The following FUT9 variants were observed in gnomAD, a reference collection of about 807,000 sequenced individuals.
FUT9 encodes the protein 4-galactosyl-N-acetylglucosaminide 3-alpha-L-fucosyltransferase 9.
In FUT9, 15 loss-of-function variants were observed where a neutral mutation model predicts 29.7. The observed-to-expected ratio is 0.51, with a 90% CI of 0.34 to 0.78. The LOEUF (loss-of-function observed/expected upper bound fraction) is 0.78, where lower values mean the gene tolerates loss of function less well. FUT9 is among the 30% of genes least tolerant of loss of function. The pLI, the probability that FUT9 is intolerant of heterozygous loss-of-function variation, is 0.01. For missense variants in FUT9, 319 were observed against 425.4 expected, an observed-to-expected ratio of 0.75 and a Z score of 2.20; for synonymous variants, 169 against 153.7, an observed-to-expected ratio of 1.10 and a Z score of -0.74.
chr6:96,083,306 AATAG>A (rs1367113074), intron 1 of FUT9, among the ~76,000 whole-genome samples: 1 of 152,100 alleles, frequency 6.6e-6, no homozygotes, highest in East Asian at 1.9e-4. Context: ...CTTTCTCACA[AATAG>A]ATAGATTGTA....
intron 2 of FUT9, among the ~76,000 whole-genome samples, chr6:96,182,195 CAT>C (rs1404335633): frequency 5.3e-5 from 8 of 151,962 alleles, no homozygotes; most frequent in Non-Finnish European, 8.8e-5. Context: ...AGCATTTTTT[CAT>C]ATGTTTATTG....
At chr6:96,062,023 A>C (rs932967369) in intron 1 of FUT9, among the ~76,000 whole-genome samples, 1 of 152,184 alleles carries the variant, frequency 6.6e-6, no homozygotes, top group African/African-American at 2.4e-5. Context: ...AATTAACAAT[A>C]TTTTATTTTA....
chr6:96,203,934 C>T lies in FUT9; in HGVS notation c.779C>T (p.Ala260Val), dbSNP rs1773777399. 1.2e-6 allele frequency: 2 copies of T among 1,612,862 alleles called. No individual in the cohort carries two copies. Among genetic ancestry groups the T allele is most frequent in the Non-Finnish European group, 1.7e-6 (2 of 1,179,110 alleles). The change falls in exon 3 of 3, where the codon GCT becomes GTT. Residue 260 changes from alanine (A) to valine (V), a missense_variant. Transcript: ENST00000302103. Reference protein sequence around the residue: ...KDYITEKLYNAFLAGSVPVVL... With the variant: ...KDYITEKLYNVFLAGSVPVVL... ...TACATCACGGAAAAGCTATACAATG[C>T]TTTTCTGGCTGGCTCTGTACCTGTT...
intron 2 of FUT9, among the ~76,000 whole-genome samples, chr6:96,119,622 A>T (rs1395384004): frequency 6.6e-6 from 1 of 152,154 alleles, no homozygotes; most frequent in Admixed American, 6.6e-5. Flanking sequence ...TATACATAGT[A>T]TCTCAGAGGA....
At chr6:96,081,411 T>C (rs1256287776) in intron 1 of FUT9, among the ~76,000 whole-genome samples, 1 of 151,886 alleles carries the variant, frequency 6.6e-6, no homozygotes, top group Non-Finnish European at 1.5e-5. Flanking sequence ...TTCTGCAATT[T>C]ACTCCTTTCT....
At chr6:96,161,621 A>G (rs910751024) in intron 2 of FUT9, among the ~76,000 whole-genome samples, 1 of 152,208 alleles carries the variant, frequency 6.6e-6, no homozygotes, top group Non-Finnish European at 1.5e-5. Flanking sequence ...GTGGATGTGA[A>G]TATCTACAGA....
At chr6:96,065,620 TA>T (rs772238195) in intron 1 of FUT9, among the ~76,000 whole-genome samples, 9 of 152,038 alleles carry the variant, frequency 5.9e-5, no homozygotes, top group Non-Finnish European at 7.4e-5. Context: ...AAATGTGAAT[TA>T]AAAAAAATTG....
intron 2 of FUT9, among the ~76,000 whole-genome samples, chr6:96,178,538 T>G (rs912986538): frequency 6.6e-6 from 1 of 152,186 alleles, no homozygotes; most frequent in African/African-American, 2.4e-5. Context: ...TTGAATATTT[T>G]CTATTGTCCT....
chr6:96,162,568 G>GCT (rs1772932519), intron 2 of FUT9, among the ~76,000 whole-genome samples: 1 of 152,150 alleles, frequency 6.6e-6, no homozygotes, highest in African/African-American at 2.4e-5. Context: ...TTGAAAGCCA[G>GCT]AAGGAGTGTA....
intron 1 of FUT9, among the ~76,000 whole-genome samples, chr6:96,105,229 A>G (rs1771656214): frequency 6.6e-6 from 1 of 152,234 alleles, no homozygotes; most frequent in Non-Finnish European, 1.5e-5. Context: ...TATGTTCTGA[A>G]CAATATAATG....
At chr6:96,135,806 T>C (rs989362284) in intron 2 of FUT9, among the ~76,000 whole-genome samples, 2 of 151,842 alleles carry the variant, frequency 1.3e-5, no homozygotes, top group Admixed American at 6.6e-5. Context: ...TCTTATTACA[T>C]GTTCTTACCA....
At chr6:96,075,292 CAA>C (rs1275766740) in intron 1 of FUT9, among the ~76,000 whole-genome samples, 1 of 152,086 alleles carries the variant, frequency 6.6e-6, no homozygotes, top group African/African-American at 2.4e-5. Flanking sequence ...GGAGAAAAAT[CAA>C]AGTTTCACAT....
chr6:96,099,505 A>G (rs555769462), intron 1 of FUT9, among the ~76,000 whole-genome samples: 1 of 152,234 alleles, frequency 6.6e-6, no homozygotes, highest in East Asian at 1.9e-4. Context: ...TCAGAAAAAT[A>G]GTTGCCAATG....
intron 2 of FUT9, among the ~76,000 whole-genome samples, chr6:96,192,081 C>A (rs1382550627): frequency 6.6e-6 from 1 of 152,068 alleles, no homozygotes; most frequent in Admixed American, 6.5e-5. Context: ...TTATGACAAA[C>A]CCACAGCCAA....
intron 2 of FUT9, among the ~76,000 whole-genome samples, chr6:96,116,278 A>G (rs1262711718): frequency 6.6e-6 from 1 of 152,174 alleles, no homozygotes; most frequent in Non-Finnish European, 1.5e-5. Context: ...AACAATATCA[A>G]ATATTCATAA....
intron 1 of FUT9, among the ~76,000 whole-genome samples, chr6:96,056,986 T>C (rs1770783267): frequency 6.6e-6 from 1 of 152,170 alleles, no homozygotes; most frequent in African/African-American, 2.4e-5. Context: ...ACATGAGATA[T>C]CCAATACTTT....
chr6:96,174,234 A>T (rs1488978879), intron 2 of FUT9, among the ~76,000 whole-genome samples: 3 of 152,156 alleles, frequency 2.0e-5, no homozygotes, highest in African/African-American at 4.8e-5. Flanking sequence ...ATGTCCTAAC[A>T]ATTCCAGCTT....
At chr6:96,117,437 T>A (rs1458723565) in intron 2 of FUT9, among the ~76,000 whole-genome samples, 1 of 152,200 alleles carries the variant, frequency 6.6e-6, no homozygotes, top group Admixed American at 6.5e-5. Flanking sequence ...ATTTATTAGC[T>A]CTATCTACTG....
In FUT9 at chr6:96,203,692, G is replaced by C. The variant is rs201945905; in HGVS notation, c.537G>C (p.Val179=). Residue 179 remains valine (V), a synonymous_variant, in exon 3 of 3, where the codon GTG becomes GTC. Transcript: ENST00000302103. ...GFLTVSTNPF[V]FEVPSKEKLV... is the part of the protein sequence containing the mutation. The stretch of plus-strand genomic sequence containing the variant: ...TGACGGTAAGCACAAATCCCTTCGT[G>C]TTTGAAGTGCCAAGCAAAGAGAAAT... 4 of 1,614,040 alleles carry C rather than the reference G, an allele frequency of 2.5e-6. No homozygotes were observed. In the East Asian group the frequency reaches 8.9e-5, roughly 36 times the overall value.
Sources: allele counts gnomAD v4.1 joint callset (sites outside exome capture counted in the v4.1 genomes callset), GRCh38; gene constraint gnomAD v4.1.1; transcripts MANE v1.5; gene names NCBI Gene and HGNC (gene_info 2026-07-23, HGNC 2026-07-21).